The following GLG1 variants were observed in gnomAD, a reference collection of about 807,000 sequenced individuals.
GLG1 encodes the protein golgi glycoprotein 1.
Under a neutral mutation model 160.5 loss-of-function variants are expected in GLG1, and 38 were observed. That is an observed-to-expected ratio of 0.24 (90% CI 0.18 to 0.31). The LOEUF (loss-of-function observed/expected upper bound fraction) is 0.31, where lower values mean the gene tolerates loss of function less well. Among genes scored for constraint, GLG1 ranks in the 10% least tolerant of loss-of-function variants. GLG1 has a pLI of 1.00. For missense variants in GLG1, 1,373 were observed against 1,505.2 expected (o/e 0.91, Z 1.45); for synonymous variants, 644 against 543.4 (o/e 1.19, Z -2.57).
At chr16:74,521,008 G>A (rs1368904715) in intron 2 of GLG1, among the ~76,000 whole-genome samples, 1 of 152,170 alleles carries the variant, frequency 6.6e-6, no homozygotes, top group African/African-American at 2.4e-5. Context: ...GCTAGGGCAA[G>A]GTGAATTGAA....
intron 1 of GLG1, among the ~76,000 whole-genome samples, chr16:74,572,146 G>A (rs191748496): frequency 2.6e-4 from 40 of 152,316 alleles, no homozygotes; most frequent in Admixed American, 2.2e-3. Flanking sequence ...AATCTCCAGG[G>A]AGGGGAAAGG....
chr16:74,450,560 A>G lies in GLG1; in HGVS notation c.*2607T>C, dbSNP rs1020974031. On this transcript the variant is annotated 3_prime_UTR_variant, in exon 26 of 26. Transcript: ENST00000422840. Reference sequence around the variant, plus strand: ...TATTCTGACCATTTATAAAGATGACAAATGTTTTGGCCAGGCAGGGTGGCT... The same window carrying G: ...TATTCTGACCATTTATAAAGATGACGAATGTTTTGGCCAGGCAGGGTGGCT... 1 of 152,234 alleles carries G rather than the reference A, an allele frequency of 6.6e-6. No homozygotes were observed. The highest frequency in any genetic ancestry group is 2.4e-5 in the African/African-American group (1 of 41,466). The allele number at this position is 152,234 out of a possible 1,614,324, so 9.4% of individuals were successfully genotyped here.
chr16:74,485,033 C>G (rs1337640879), intron 9 of GLG1, among the ~76,000 whole-genome samples: 1 of 152,100 alleles, frequency 6.6e-6, no homozygotes, highest in Non-Finnish European at 1.5e-5. Context: ...CCCACATCAA[C>G]CTCCCAAGGG....
At position 74,473,317 on chromosome 16, in the gene GLG1, G is replaced by GATCCTCCT. The variant is rs1371070547; in HGVS notation, c.2053-914_2053-907dup. Among the ~76,000 whole-genome samples the GATCCTCCT allele has an allele frequency of 1.0e-4, 15 of 150,680 alleles. 1 individual carries two copies. The highest frequency in any genetic ancestry group is 3.7e-4 in the African/African-American group (15 of 41,010). On this transcript the variant is annotated intron_variant, in intron 13 of 25. Coordinates refer to ENST00000422840, the MANE Select transcript of GLG1 (RefSeq NM_001145667.2). ...CAACCTCCGCCTCCCGGGTTCAAGT[G>GATCCTCCT]ATCCTCCTGCCTCAGCCTCCCAAGT...
chr16:74,476,805 T>A (rs1408002572), intron 12 of GLG1, among the ~76,000 whole-genome samples: 1 of 152,190 alleles, frequency 6.6e-6, no homozygotes, highest in Non-Finnish European at 1.5e-5. Flanking sequence ...TAAGGGAATG[T>A]ATACACTTAA....
chr16:74,601,103 T>C (rs375373933), intron 1 of GLG1, among the ~76,000 whole-genome samples: 26 of 152,302 alleles, frequency 1.7e-4, no homozygotes, highest in East Asian at 1.5e-3. Context: ...TAATATATCC[T>C]AAAGCCAAAC....
At chr16:74,458,226 G>A (rs1320126743) in intron 23 of GLG1, 4 of 412,696 alleles carry the variant, frequency 9.7e-6, no homozygotes, top group South Asian at 1.1e-4. Context: ...GCAGGGGACT[G>A]TAAGTGACTG....
At chr16:74,498,884 A>AAG (rs1242405194) in intron 4 of GLG1, among the ~76,000 whole-genome samples, 2 of 151,468 alleles carry the variant, frequency 1.3e-5, no homozygotes, top group Non-Finnish European at 2.9e-5. Flanking sequence ...AAAAAAAAAA[A>AAG]AAAAAGATTC....
intron 1 of GLG1, among the ~76,000 whole-genome samples, chr16:74,542,609 T>G (rs1382973813): frequency 6.7e-6 from 1 of 148,446 alleles, no homozygotes; most frequent in East Asian, 2.0e-4. Context: ...AAGGCGGAAG[T>G]TGCAGTGAGC....
intron 20 of GLG1, chr16:74,462,958 A>G (rs1013727106): frequency 7.2e-6 from 3 of 415,610 alleles, no homozygotes; most frequent in African/African-American, 6.1e-5. Flanking sequence ...ACTGAAAAAG[A>G]AATACAATAT....
intron 1 of GLG1, among the ~76,000 whole-genome samples, chr16:74,602,926 C>T (rs897766494): frequency 6.6e-6 from 1 of 151,882 alleles, no homozygotes; most frequent in Non-Finnish European, 1.5e-5. Context: ...TTTGGGAGGC[C>T]GACGCAGGCA....
At chr16:74,505,760 C>T (rs2016573932) in intron 3 of GLG1, among the ~76,000 whole-genome samples, 1 of 152,210 alleles carries the variant, frequency 6.6e-6, no homozygotes, top group Non-Finnish European at 1.5e-5. Context: ...AAGGCTGAGG[C>T]AGGAGAATTG....
At chr16:74,512,118 C>T (rs1266221786) in intron 2 of GLG1, among the ~76,000 whole-genome samples, 1 of 151,636 alleles carries the variant, frequency 6.6e-6, no homozygotes, top group Non-Finnish European at 1.5e-5. Context: ...TCTCTACCCT[C>T]ATCTTCTGGC....
chr16:74,594,468 T>C (rs1291532320), intron 1 of GLG1, among the ~76,000 whole-genome samples: 1 of 152,184 alleles, frequency 6.6e-6, no homozygotes, highest in African/African-American at 2.4e-5. Flanking sequence ...AAGTCATTGT[T>C]TTTAGATTCC....
At chr16:74,511,512 C>T (rs992819102) in intron 2 of GLG1, among the ~76,000 whole-genome samples, 2 of 144,198 alleles carry the variant, frequency 1.4e-5, no homozygotes, top group Non-Finnish European at 1.5e-5. Flanking sequence ...ATTAGCCAGG[C>T]GTGGTGGTGC....
rs538308458 is a variant in GLG1 at position 74,479,919 on chromosome 16, A to G, written c.1827+322T>C. Among the ~76,000 whole-genome samples, 5 of 152,296 alleles carry G rather than the reference A, an allele frequency of 3.3e-5. No individual in the cohort carries two copies. The South Asian group carries it at 1.0e-3, about 32-fold the overall frequency. On this transcript the variant is annotated intron_variant, in intron 11 of 25. Coordinates refer to ENST00000422840, the MANE Select transcript of GLG1 (RefSeq NM_001145667.2). ...ATTTGTAGCCTGGCTAAAAGCTTCTAATGGATCCTTAAACCTAAATAAAGT... is the reference window on the plus strand; with the variant it reads ...ATTTGTAGCCTGGCTAAAAGCTTCTGATGGATCCTTAAACCTAAATAAAGT...
intron 2 of GLG1, among the ~76,000 whole-genome samples, chr16:74,509,264 T>G (rs982216232): frequency 5.4e-5 from 8 of 147,062 alleles, no homozygotes; most frequent in African/African-American, 2.0e-4. Flanking sequence ...CCTCCACCTC[T>G]CGGGTTCAAG....
intron 1 of GLG1, among the ~76,000 whole-genome samples, chr16:74,604,774 G>C (rs1567553635): frequency 6.6e-6 from 1 of 152,192 alleles, no homozygotes; most frequent in Non-Finnish European, 1.5e-5. Context: ...AAATAGGGTG[G>C]GGGTGGTGGC....
chr16:74,472,017 A>T (rs936439972), intron 14 of GLG1, among the ~76,000 whole-genome samples: 2 of 151,868 alleles, frequency 1.3e-5, no homozygotes, highest in Non-Finnish European at 2.9e-5. Context: ...TGATCCTCCC[A>T]CCTCTGCCCC....
Sources: allele counts gnomAD v4.1 joint callset (sites outside exome capture counted in the v4.1 genomes callset), GRCh38; gene constraint gnomAD v4.1.1; transcripts MANE v1.5; gene names NCBI Gene and HGNC (gene_info 2026-07-23, HGNC 2026-07-21).